NOTCH2NLC: variants seen among roughly 807,000 people sequenced by gnomAD.
The protein encoded by NOTCH2NLC is notch homolog 2 N-terminal-like protein C.
Under a neutral mutation model 17.7 loss-of-function variants are expected in NOTCH2NLC, and 4 were observed. The ratio of observed to expected loss-of-function variants is 0.23; its 90% confidence interval spans 0.11 to 0.52. The LOEUF is 0.52. NOTCH2NLC is among the 20% of genes least tolerant of loss of function. The probability of loss-of-function intolerance (pLI) is 0.96; values close to 1 mark genes in which losing one functional copy is unlikely to be tolerated. For synonymous variants in NOTCH2NLC, 18 were observed against 86.0 expected (o/e 0.21, Z 4.38); for missense variants, 57 against 207.2 (o/e 0.28, Z 4.45).
At chr1:149,398,592 C>G (rs1156833792) in intron 1 of NOTCH2NLC, among the ~76,000 whole-genome samples, 1 of 150,926 alleles carries the variant, frequency 6.6e-6, no homozygotes, top group Non-Finnish European at 1.5e-5. Flanking sequence ...TACTAGCTCC[C>G]CAATAGTTTG....
chr1:149,421,367 C>T lies in NOTCH2NLC; in HGVS notation c.136-9575C>T, dbSNP rs1461120316. Among the ~76,000 whole-genome samples, 83 of 149,662 alleles carry T rather than the reference C, an allele frequency of 5.5e-4. 3 individuals carry two copies. Among genetic ancestry groups the T allele is most frequent in the Non-Finnish European group, 9.8e-4 (66 of 67,120 alleles). On this transcript the variant is annotated intron_variant, in intron 1 of 4. Coordinates refer to ENST00000650865, the MANE Select transcript of NOTCH2NLC (RefSeq NM_001364013.2). ...AAAAAAAATTAGCCGGATATGGTGG[C>T]GGGCACCTATAGTCCCAGCTACTCG...
intron 2 of NOTCH2NLC, among the ~76,000 whole-genome samples, chr1:149,454,524 A>G (rs1183060942): frequency 6.7e-6 from 1 of 148,496 alleles, no homozygotes; most frequent in Non-Finnish European, 1.5e-5. Context: ...TGTGGAAAAT[A>G]TCATAGAATG....
intron 1 of NOTCH2NLC, among the ~76,000 whole-genome samples, chr1:149,424,898 C>G (rs1346348334): frequency 2.0e-5 from 3 of 151,248 alleles, no homozygotes; most frequent in Non-Finnish European, 4.4e-5. Context: ...GTAGCGAGAA[C>G]TCACTCATTA....
intron 1 of NOTCH2NLC, among the ~76,000 whole-genome samples, chr1:149,414,482 A>G: frequency 6.6e-6 from 1 of 150,954 alleles, no homozygotes; most frequent in Middle Eastern, 3.5e-3. Context: ...TACTTTATGA[A>G]ATCTGGGGGT....
At chr1:149,395,928 C>T (rs1216319612) in intron 1 of NOTCH2NLC, among the ~76,000 whole-genome samples, 1 of 149,610 alleles carries the variant, frequency 6.7e-6, no homozygotes, top group Non-Finnish European at 1.5e-5. Flanking sequence ...TTGTCTCTGC[C>T]ACATGATTTT....
chr1:149,413,412 C>T (rs1423216791), intron 1 of NOTCH2NLC, among the ~76,000 whole-genome samples: 2 of 151,198 alleles, frequency 1.3e-5, no homozygotes, highest in Non-Finnish European at 3.0e-5. Context: ...AAAATTCTGC[C>T]TTGGATCCCC....
At position 149,390,717 on chromosome 1, in the gene NOTCH2NLC, C is replaced by G. The variant is rs1351218127; in HGVS notation, c.-71C>G. ...TGCGCCTGTGCTTCGGACCGTAGCG[C>G]CAGGGCCTGAGCCTTTGAAGCAGGA... On this transcript the variant is annotated 5_prime_UTR_variant, in exon 1 of 5. Transcript: ENST00000650865. 3.1e-5 allele frequency: 39 copies of G among 1,246,054 alleles called. 1 individual carries two copies. Among genetic ancestry groups the G allele is most frequent in the African/African-American group, 4.8e-5 (3 of 62,116 alleles). The allele number at this position is 1,246,054 out of a possible 1,614,324, so 77.2% of individuals were successfully genotyped here.
intron 1 of NOTCH2NLC, among the ~76,000 whole-genome samples, chr1:149,429,005 TA>T (rs2084428454): frequency 6.9e-6 from 1 of 145,014 alleles, no homozygotes; most frequent in South Asian, 2.2e-4. Flanking sequence ...ATGGAGGAAA[TA>T]ACCTGACATT....
intron 2 of NOTCH2NLC, among the ~76,000 whole-genome samples, chr1:149,448,721 T>C (rs1193643979): frequency 6.7e-6 from 1 of 149,984 alleles, no homozygotes; most frequent in East Asian, 2.0e-4. Context: ...GGTAAGAACA[T>C]GTGTTAAGCC....
chr1:149,390,705 C>G lies in NOTCH2NLC; in HGVS notation c.-83C>G, dbSNP rs1239900823. On this transcript the variant is annotated 5_prime_UTR_variant, in exon 1 of 5. Coordinates refer to ENST00000650865, the MANE Select transcript of NOTCH2NLC (RefSeq NM_001364013.2). ...AGTCGAGGCATTTGCGCCTGTGCTT[C>G]GGACCGTAGCGCCAGGGCCTGAGCC... The G allele has an allele frequency of 1.6e-6, 2 of 1,245,112 alleles. No individual in the cohort carries two copies. The highest frequency in any genetic ancestry group is 3.7e-5 in the East Asian group (1 of 26,850). The allele number at this position is 1,245,112 out of a possible 1,614,324, so 77.1% of individuals were successfully genotyped here. A position where few individuals can be genotyped will look rare whatever the true frequency, so the allele number is the denominator to read the frequency against.
intron 1 of NOTCH2NLC, among the ~76,000 whole-genome samples, chr1:149,421,457 C>T (rs1241676545): frequency 3.5e-5 from 5 of 144,416 alleles, no homozygotes; most frequent in Non-Finnish European, 7.7e-5. Flanking sequence ...TGAGATTGCG[C>T]CACTGCACTC....
At chr1:149,398,015 A>G (rs1302262072) in intron 1 of NOTCH2NLC, among the ~76,000 whole-genome samples, 1 of 146,336 alleles carries the variant, frequency 6.8e-6, no homozygotes, top group Admixed American at 6.8e-5. Context: ...TAAGCACACA[A>G]TTAGGAATAT....
At chr1:149,419,350 A>C (rs2084365458) in intron 1 of NOTCH2NLC, among the ~76,000 whole-genome samples, 1 of 150,604 alleles carries the variant, frequency 6.6e-6, no homozygotes, top group South Asian at 2.1e-4. Flanking sequence ...GGAGAAACCT[A>C]GAGTTCTCTT....
intron 1 of NOTCH2NLC, among the ~76,000 whole-genome samples, chr1:149,430,640 A>G (rs1304915467): frequency 6.8e-6 from 1 of 146,196 alleles, no homozygotes; most frequent in African/African-American, 2.5e-5. Context: ...GTGTCATGTC[A>G]TAGATGGTAT....
intron 1 of NOTCH2NLC, among the ~76,000 whole-genome samples, chr1:149,410,433 T>G (rs1250993416): frequency 6.8e-6 from 1 of 146,618 alleles, no homozygotes; most frequent in Non-Finnish European, 1.5e-5. Context: ...TTTGGGAAAT[T>G]AAGGTTCTAT....
At position 149,424,612 on chromosome 1, in the gene NOTCH2NLC, T is replaced by C. The variant is rs1475925146; in HGVS notation, c.136-6330T>C. Among the ~76,000 whole-genome samples, 3 of 150,832 alleles carry C rather than the reference T, an allele frequency of 2.0e-5. 1 individual carries two copies. The highest frequency in any genetic ancestry group is 7.3e-5 in the African/African-American group (3 of 41,112). ...TTTACCTTTAGTGGATCACTTCTCC[T>C]TATGCCTTCAGTGCTATAGTTTTTT... On this transcript the variant is annotated intron_variant, in intron 1 of 4. Transcript: ENST00000650865.
At chr1:149,419,271 A>G (rs2084365112) in intron 1 of NOTCH2NLC, among the ~76,000 whole-genome samples, 1 of 150,826 alleles carries the variant, frequency 6.6e-6, no homozygotes, top group African/African-American at 2.4e-5. Flanking sequence ...TGACCTCTCT[A>G]GAACAAAGAA....
chr1:149,427,155 C>T (rs1310258358), intron 1 of NOTCH2NLC, among the ~76,000 whole-genome samples: 1 of 151,298 alleles, frequency 6.6e-6, no homozygotes, highest in Admixed American at 6.6e-5. Flanking sequence ...AATTTACTCT[C>T]TTAGCAATTT....
chr1:149,424,821 A>G (rs1442563459), intron 1 of NOTCH2NLC, among the ~76,000 whole-genome samples: 1 of 151,186 alleles, frequency 6.6e-6, no homozygotes, highest in Non-Finnish European at 1.5e-5. Flanking sequence ...GGGAGCAGGT[A>G]TGTAACATGG....
Sources: allele counts gnomAD v4.1 joint callset (sites outside exome capture counted in the v4.1 genomes callset), GRCh38; gene constraint gnomAD v4.1.1; transcripts MANE v1.5; gene names NCBI Gene and HGNC (gene_info 2026-07-23, HGNC 2026-07-21).